Variants in ACSL3 observed in about 807,000 individuals in gnomAD.
ACSL3 encodes the protein acyl-CoA synthetase long chain family member 3, also known as fatty acid CoA ligase Acsl3.
Under a neutral mutation model 84.7 loss-of-function variants are expected in ACSL3, and 34 were observed. The ratio of observed to expected loss-of-function variants is 0.40; its 90% CI spans 0.31 to 0.53. The LOEUF is 0.53. Ranked by LOEUF, ACSL3 falls within the 20% of genes least tolerant of loss-of-function variation. The probability of loss-of-function intolerance (pLI) is 0.48; values close to 1 mark genes in which losing one functional copy is unlikely to be tolerated. For missense variants in ACSL3, 680 were observed against 873.1 expected (o/e 0.78, Z 2.79); for synonymous variants, 315 against 299.4 (o/e 1.05, Z -0.54).
At chr2:222,907,756 TAAA>T (rs34528925) in intron 3 of ACSL3, among the ~76,000 whole-genome samples, 27 of 138,934 alleles carry the variant, frequency 1.9e-4, no homozygotes, top group Non-Finnish European at 1.9e-4. Context: ...ATCCTGTCTT[TAAA>T]AAAAAAAAAA....
chr2:222,868,589 C>T (rs62187228), intron 1 of ACSL3, among the ~76,000 whole-genome samples: 13,456 of 152,202 alleles, frequency 0.088, 718 homozygotes, highest in Non-Finnish European at 0.12. Flanking sequence ...GGAAGAGATA[C>T]TGTAAACTGT....
intron 1 of ACSL3, among the ~76,000 whole-genome samples, chr2:222,887,344 T>C (rs1231156663): frequency 2.0e-5 from 3 of 152,242 alleles, no homozygotes; most frequent in Non-Finnish European, 4.4e-5. Context: ...GATATGTTGA[T>C]TGCTTCCAGC....
chr2:222,928,961 G>T, intron 13 of ACSL3, 25 bp downstream of exon 13: 1 of 1,587,764 alleles, frequency 6.3e-7, no homozygotes, highest in African/African-American at 1.3e-5. Flanking sequence ...TAACCACAGA[G>T]CATTAATTTT....
intron 15 of ACSL3, 53 bp from the exon 16 acceptor site, chr2:222,934,477 G>A (rs1050619067): frequency 9.5e-5 from 133 of 1,400,920 alleles, no homozygotes; most frequent in East Asian, 1.1e-4. Context: ...AATAACTGCA[G>A]TCAACACAGT....
intron 13 of ACSL3, 66 bp from the exon 14 acceptor site, chr2:222,930,548 TTAGAAAC>T: frequency 1.6e-6 from 2 of 1,258,758 alleles, no homozygotes; most frequent in South Asian, 3.5e-5. Flanking sequence ...AGATGACTGT[TTAGAAAC>T]TAGTAGTTTC....
intron 6 of ACSL3, 105 bp downstream of exon 6, chr2:222,918,260 C>A: frequency 1.7e-6 from 1 of 587,066 alleles, no homozygotes; most frequent in East Asian, 2.9e-5. Flanking sequence ...AGTCCTTAAT[C>A]TTTGTGGACT....
intron 2 of ACSL3, among the ~76,000 whole-genome samples, chr2:222,899,985 C>T (rs1254835468): frequency 5.9e-5 from 9 of 152,182 alleles, no homozygotes; most frequent in Non-Finnish European, 1.2e-4. Flanking sequence ...GTCCCAGCCT[C>T]ATTTTCCTAG....
chr2:222,909,206 A>G (rs1243017052), intron 4 of ACSL3, 56 bp downstream of exon 4: 2 of 1,536,580 alleles, frequency 1.3e-6, no homozygotes, highest in Non-Finnish European at 1.8e-6. Context: ...CCTGTTAGAA[A>G]TGAAGTAAAG....
At chr2:222,873,502 G>A (rs1052943636) in intron 1 of ACSL3, among the ~76,000 whole-genome samples, 5 of 152,110 alleles carry the variant, frequency 3.3e-5, no homozygotes, top group Admixed American at 6.6e-5. Flanking sequence ...TTTGCTTTAA[G>A]TTTTTCTTCT....
At chr2:222,925,505 A>G (rs1380069874) in intron 11 of ACSL3, among the ~76,000 whole-genome samples, 1 of 151,968 alleles carries the variant, frequency 6.6e-6, no homozygotes, top group Non-Finnish European at 1.5e-5. Context: ...AAGTAGGAGG[A>G]TTGTTTGGGC....
At position 222,927,027 on chromosome 2, in the gene ACSL3, C is replaced by T. The variant is rs767939727; in HGVS notation, c.1303C>T (p.Arg435Trp). ...AATTTTTTTCTTTAGCTTTGTTTTCCGGAAAGTTCGAAGCTTGCTAGGGGG... is the reference window on the plus strand; with the variant it reads ...AATTTTTTTCTTTAGCTTTGTTTTCTGGAAAGTTCGAAGCTTGCTAGGGGG... ...NTPLCDSFVF[R>W]KVRSLLGGNI... Residue 435 changes from arginine to tryptophan, a missense_variant, in exon 12 of 17, where the codon CGG becomes TGG. By Grantham distance (101) the Arg-to-Trp change is moderately radical. Coordinates refer to ENST00000357430, the MANE Select transcript of ACSL3 (RefSeq NM_004457.5). 34 of 1,609,994 alleles carry T rather than the reference C, an allele frequency of 2.1e-5. No individual in the cohort carries two copies. Among genetic ancestry groups the T allele is most frequent in the African/African-American group, 5.4e-5 (4 of 74,756 alleles).
At chr2:222,917,215 G>A (rs1574553027) in intron 5 of ACSL3, among the ~76,000 whole-genome samples, 1 of 152,150 alleles carries the variant, frequency 6.6e-6, no homozygotes, top group East Asian at 1.9e-4. Flanking sequence ...TTAGCCTCTC[G>A]AGTAGCTGGG....
intron 1 of ACSL3, among the ~76,000 whole-genome samples, chr2:222,873,841 A>G (rs1456273987): frequency 6.6e-6 from 1 of 152,220 alleles, no homozygotes; most frequent in East Asian, 1.9e-4. Context: ...GAAGTTCTCA[A>G]GTAAATTTGT....
At chr2:222,933,643 T>C (rs954141600) in intron 15 of ACSL3, 2 of 162,706 alleles carry the variant, frequency 1.2e-5, no homozygotes, top group African/African-American at 4.8e-5. Flanking sequence ...CAGTGAGGAG[T>C]GTGCTGCTTA....
intron 4 of ACSL3, among the ~76,000 whole-genome samples, chr2:222,914,314 AGT>A (rs1696521745): frequency 6.7e-6 from 1 of 148,234 alleles, no homozygotes; most frequent in African/African-American, 2.5e-5. Context: ...CCCAGGCTGG[AGT>A]GTAGTGGTAT....
intron 1 of ACSL3, among the ~76,000 whole-genome samples, chr2:222,887,185 A>AT (rs1695745100): frequency 6.6e-6 from 1 of 152,054 alleles, no homozygotes; most frequent in Non-Finnish European, 1.5e-5. Flanking sequence ...AGTACATAGC[A>AT]TTTTCAGACT....
intron 1 of ACSL3, among the ~76,000 whole-genome samples, chr2:222,868,176 A>C (rs946018956): frequency 4.3e-4 from 66 of 152,124 alleles, no homozygotes; most frequent in African/African-American, 1.5e-3. Flanking sequence ...TGTTTCCTTT[A>C]AATATTTTCC....
At chr2:222,872,551 T>C (rs1015613244) in intron 1 of ACSL3, among the ~76,000 whole-genome samples, 2 of 152,234 alleles carry the variant, frequency 1.3e-5, no homozygotes, top group African/African-American at 4.8e-5. Context: ...GGTACTTTGC[T>C]AGTGGACACC....
At chr2:222,925,239 A>G (rs1696848242) in intron 11 of ACSL3, among the ~76,000 whole-genome samples, 1 of 151,572 alleles carries the variant, frequency 6.6e-6, no homozygotes, top group Non-Finnish European at 1.5e-5. Context: ...GGGAGGCTGA[A>G]GCAGGAGAAT....
Sources: gnomAD v4.1 joint callset for allele counts (sites outside exome capture counted in the v4.1 genomes callset) on GRCh38, gnomAD v4.1.1 for gene constraint, MANE v1.5 for transcripts, NCBI Gene and HGNC (gene_info 2026-07-23, HGNC 2026-07-21) for gene names.